Variants in ARMC3 observed in about 807,000 individuals in gnomAD.
ARMC3 encodes armadillo repeat-containing protein 3.
ARMC3 carries 74 observed loss-of-function variants against 90.3 expected under a neutral mutation model. That is an observed-to-expected ratio of 0.82 (90% CI 0.68 to 0.99). The LOEUF (loss-of-function observed/expected upper bound fraction) is 0.99, where lower values mean the gene tolerates loss of function less well. Among genes scored for constraint, ARMC3 ranks in the 50% least tolerant of loss-of-function variants. ARMC3 has a pLI of 0.00. For missense variants in ARMC3, 958 were observed against 1,042.8 expected, an observed-to-expected ratio of 0.92 and a Z score of 1.12; for synonymous variants, 334 against 361.8, an observed-to-expected ratio of 0.92 and a Z score of 0.87.
chr10:22,943,684 G>A (rs1834409815), intron 2 of ARMC3, among the ~76,000 whole-genome samples: 2 of 152,130 alleles, frequency 1.3e-5, no homozygotes, highest in Admixed American at 1.3e-4. Flanking sequence ...TGTAATCCCA[G>A]CACTTTGGGA....
At chr10:22,974,163 GAT>G (rs1835815799) in intron 8 of ARMC3, among the ~76,000 whole-genome samples, 1 of 151,902 alleles carries the variant, frequency 6.6e-6, no homozygotes, top group Non-Finnish European at 1.5e-5. Flanking sequence ...ATTCTAATTT[GAT>G]ATTAAGATTA....
At chr10:23,025,647 A>T (rs888864251) in intron 16 of ARMC3, among the ~76,000 whole-genome samples, 1 of 152,124 alleles carries the variant, frequency 6.6e-6, no homozygotes, top group South Asian at 2.1e-4. Flanking sequence ...AAACAAAAAG[A>T]GGTCTCAAAT....
At chr10:22,947,432 T>C (rs1461109153) in intron 3 of ARMC3, among the ~76,000 whole-genome samples, 4 of 152,216 alleles carry the variant, frequency 2.6e-5, no homozygotes, top group Non-Finnish European at 5.9e-5. Flanking sequence ...GTGTTATTTT[T>C]CTTAAAAATC....
chr10:23,006,792 C>T (rs750101457), intron 13 of ARMC3, 92 bp from the exon 14 acceptor site: 281 of 1,037,620 alleles, frequency 2.7e-4, no homozygotes, highest in South Asian at 1.2e-3. Context: ...AATGAGACAC[C>T]GCAAACAGCT....
chr10:22,974,325 T>C (rs574897272), intron 8 of ARMC3, among the ~76,000 whole-genome samples: 32 of 152,290 alleles, frequency 2.1e-4, no homozygotes, highest in African/African-American at 7.7e-4. Flanking sequence ...AGATTAGCAA[T>C]ATTGGGAAAT....
chr10:23,030,838 A>C (rs1203246248), intron 17 of ARMC3, 42 bp downstream of exon 17: 2 of 1,591,404 alleles, frequency 1.3e-6, no homozygotes, highest in African/African-American at 2.7e-5. Context: ...TTTCTGAAAA[A>C]ATTTTAGTGT....
intron 16 of ARMC3, among the ~76,000 whole-genome samples, chr10:23,027,592 G>C (rs1314363819): frequency 6.6e-6 from 1 of 152,134 alleles, no homozygotes; most frequent in Non-Finnish European, 1.5e-5. Context: ...TAGTTTTCAA[G>C]AGTTTGATTT....
chr10:23,016,770 T>A (rs1838290783), intron 16 of ARMC3, among the ~76,000 whole-genome samples: 1 of 152,228 alleles, frequency 6.6e-6, no homozygotes, highest in South Asian at 2.1e-4. Context: ...AAGATTGCAT[T>A]TCCTGGAGGT....
In ARMC3 at chr10:22,997,241, T is replaced by C. The variant is rs566778148; in HGVS notation, c.1176-907T>C. ...TATGAGCTTTAAACTGATTTAAAAA[T>C]AAGGACAGCTGGTGTCTGGAGCCCT... On this transcript the variant is annotated intron_variant, in intron 10 of 18. Coordinates refer to ENST00000298032, the MANE Select transcript of ARMC3 (RefSeq NM_173081.5). 3.3e-5 allele frequency: 5 copies of C among 152,330 alleles called. No homozygotes were observed. In the East Asian group the frequency reaches 7.7e-4, roughly 23 times the overall value. 9.4% of individuals were successfully genotyped at this position (152,330 alleles called of 1,614,324 possible).
intron 10 of ARMC3, chr10:22,997,280 C>T (rs535422612): frequency 3.3e-5 from 5 of 152,292 alleles, no homozygotes; most frequent in East Asian, 1.9e-4. Context: ...ACCCTGGCTT[C>T]ATCTTGGAAG....
intron 8 of ARMC3, among the ~76,000 whole-genome samples, chr10:22,976,238 T>C (rs553356420): frequency 3.9e-5 from 6 of 152,338 alleles, no homozygotes; most frequent in African/African-American, 1.4e-4. Context: ...GGTCCTCTTT[T>C]TCTCCTTTTC....
intron 10 of ARMC3, among the ~76,000 whole-genome samples, chr10:22,996,106 T>C (rs1463391910): frequency 2.6e-5 from 4 of 152,154 alleles, no homozygotes; most frequent in African/African-American, 4.8e-5. Flanking sequence ...AAAAACTAAT[T>C]TTTAAGGAGG....
At chr10:22,937,535 A>G (rs1834158682) in intron 2 of ARMC3, among the ~76,000 whole-genome samples, 1 of 152,280 alleles carries the variant, frequency 6.6e-6, no homozygotes, top group Middle Eastern at 3.4e-3. Flanking sequence ...AAGATGATCT[A>G]AGGCTGTGGT....
intron 10 of ARMC3, among the ~76,000 whole-genome samples, chr10:22,992,323 C>G (rs1836746907): frequency 6.6e-6 from 1 of 152,124 alleles, no homozygotes; most frequent in South Asian, 2.1e-4. Context: ...GTCACCGCGG[C>G]TGCAACATCA....
chr10:22,962,444 C>T (rs2131262684), intron 7 of ARMC3, among the ~76,000 whole-genome samples: 1 of 152,220 alleles, frequency 6.6e-6, no homozygotes, highest in Middle Eastern at 3.4e-3. Flanking sequence ...TCCATAGTTG[C>T]TAATAAGCTC....
chr10:22,987,626 T>C (rs911173759), intron 10 of ARMC3, among the ~76,000 whole-genome samples: 1 of 152,222 alleles, frequency 6.6e-6, no homozygotes, highest in Non-Finnish European at 1.5e-5. Context: ...AAGTGAGAAC[T>C]GAAGTTTTGT....
At chr10:23,023,496 A>G (rs986182632) in intron 16 of ARMC3, among the ~76,000 whole-genome samples, 1 of 152,216 alleles carries the variant, frequency 6.6e-6, no homozygotes, top group Non-Finnish European at 1.5e-5. Flanking sequence ...GAGAAATGAC[A>G]ATCAATTAAT....
At chr10:23,029,989 C>G (rs116625458) in intron 16 of ARMC3, among the ~76,000 whole-genome samples, 1 of 152,110 alleles carries the variant, frequency 6.6e-6, no homozygotes, top group Non-Finnish European at 1.5e-5. Context: ...GAGAAGGCAA[C>G]CTAATTGTTT....
chr10:23,001,792 T>C, intron 11 of ARMC3, 127 bp from the exon 12 acceptor site: 2 of 1,159,946 alleles, frequency 1.7e-6, no homozygotes. Context: ...AACCTAAAGA[T>C]AGACACATTC....
Sources: gnomAD v4.1 joint callset for allele counts (sites outside exome capture counted in the v4.1 genomes callset) on GRCh38, gnomAD v4.1.1 for gene constraint, MANE v1.5 for transcripts, NCBI Gene and HGNC (gene_info 2026-07-23, HGNC 2026-07-21) for gene names.